Variants in PTBP2 observed in about 807,000 individuals in gnomAD.
The protein encoded by PTBP2 is polypyrimidine tract-binding protein 2.
Under a neutral mutation model 61.4 loss-of-function variants are expected in PTBP2, and 13 were observed. The observed-to-expected ratio is 0.21, with a 90% confidence interval of 0.14 to 0.34. The LOEUF is 0.34. Ranked by LOEUF, PTBP2 falls within the 10% of genes least tolerant of loss-of-function variation. PTBP2 has a pLI of 1.00. For synonymous variants in PTBP2, 215 were observed against 218.5 expected (o/e 0.98, Z 0.14); for missense variants, 405 against 642.6 (o/e 0.63, Z 4.00).
intron 3 of PTBP2, among the ~76,000 whole-genome samples, chr1:96,763,180 G>C (rs1337339744): frequency 6.6e-6 from 1 of 152,140 alleles, no homozygotes; most frequent in East Asian, 2.0e-4. Context: ...CGGGGTGGCG[G>C]CTGGGCAGAG....
At chr1:96,822,563 T>C (rs953530224) in exon 14 of PTBP2, 6 of 152,226 alleles carry the variant, frequency 3.9e-5, no homozygotes, top group African/African-American at 9.6e-5. Context: ...TTTATGTTCA[T>C]TAAAATATCC....
chr1:96,770,141 A>G lies in PTBP2; in HGVS notation c.288+266A>G, dbSNP rs911080729. On this transcript the variant is annotated intron_variant, in intron 4 of 13. Transcript: ENST00000674951. ...AAATTGTGGAAAATACAAATGAAGT[A>G]TTTCTTTTACTGTGGCTCTGTTCTT... 3.3e-5 allele frequency among the ~76,000 whole-genome samples: 5 copies of G among 151,974 alleles called. No individual in the cohort carries two copies. The East Asian group carries it at 9.6e-4, about 29-fold the overall frequency.
At position 96,804,924 on chromosome 1, in the gene PTBP2, C is replaced by G. The variant is rs1439747829; in HGVS notation, c.1029C>G (p.Ser343Arg). 1 of 1,589,834 alleles carries G rather than the reference C, an allele frequency of 6.3e-7. No individual in the cohort carries two copies. Among genetic ancestry groups the G allele is most frequent in the Non-Finnish European group, 8.6e-7 (1 of 1,166,402 alleles). The part of the protein sequence containing the change: ...SAGGNTVLLV[S>R]NLNEEMVTPQ... ...GTGGCAATACAGTCCTGTTGGTTAGCAATTTAAATGAAGAGGTTAGTAAAA... is the reference window on the plus strand; with the variant it reads ...GTGGCAATACAGTCCTGTTGGTTAGGAATTTAAATGAAGAGGTTAGTAAAA... The change falls in exon 9 of 14, where the codon AGC (serine) becomes AGG (arginine). Residue 343 changes from serine to arginine, a missense_variant. Ser to Arg is a moderately radical substitution (Grantham distance 110). Coordinates refer to ENST00000674951, the MANE Select transcript of PTBP2 (RefSeq NM_021190.4).
chr1:96,763,606 G>A (rs1656297575), intron 3 of PTBP2, among the ~76,000 whole-genome samples: 2 of 115,050 alleles, frequency 1.7e-5, no homozygotes, highest in Admixed American at 1.7e-4. Flanking sequence ...AGAGGAGGGA[G>A]GGGGAGGGGG....
chr1:96,744,077 G>A (rs1013317968), intron 2 of PTBP2, among the ~76,000 whole-genome samples: 3 of 152,094 alleles, frequency 2.0e-5, no homozygotes, highest in East Asian at 3.9e-4. Flanking sequence ...TATAGTCCCA[G>A]CTACTCGGGA....
exon 14 of PTBP2, chr1:96,823,306 A>G (rs933793192): frequency 3.3e-5 from 5 of 152,236 alleles, no homozygotes; most frequent in African/African-American, 1.2e-4. Context: ...TTTTAAGACT[A>G]CTTAAAGCTG....
At chr1:96,823,454 A>C (rs1012304701) in exon 14 of PTBP2, 2 of 152,218 alleles carry the variant, frequency 1.3e-5, no homozygotes, top group Non-Finnish European at 2.9e-5. Context: ...GAAAGAATTA[A>C]TGTAGATAAG....
At chr1:96,770,521 C>G (rs1219151218) in intron 4 of PTBP2, among the ~76,000 whole-genome samples, 187 bp from the exon 5 acceptor site, 1 of 151,902 alleles carries the variant, frequency 6.6e-6, no homozygotes, top group Non-Finnish European at 1.5e-5. Flanking sequence ...CGGTTTTCTT[C>G]TGAGGTTAGC....
chr1:96,784,194 T>TTATA (rs1306341564), intron 7 of PTBP2, among the ~76,000 whole-genome samples: 1 of 152,084 alleles, frequency 6.6e-6, no homozygotes, highest in East Asian at 1.9e-4. Context: ...GAAATGGTGA[T>TTATA]TATATAGGAG....
At chr1:96,762,961 TC>T (rs1656172845) in intron 3 of PTBP2, among the ~76,000 whole-genome samples, 1 of 138,178 alleles carries the variant, frequency 7.2e-6, no homozygotes, top group African/African-American at 2.8e-5. Context: ...GCAGCGGCGC[TC>T]CCCACATCTC....
chr1:96,807,898 T>G (rs1661655396), intron 11 of PTBP2, among the ~76,000 whole-genome samples: 1 of 152,236 alleles, frequency 6.6e-6, no homozygotes, highest in South Asian at 2.1e-4. Context: ...AAGTGCTGAT[T>G]ATGTCAAGAT....
At chr1:96,818,725 A>T (rs909002680), downstream of PTBP2, 2 of 152,132 alleles carry the variant, frequency 1.3e-5, no homozygotes, top group African/African-American at 4.8e-5. Context: ...TGAGTGTGGA[A>T]ATTATTTCAT....
exon 14 of PTBP2, chr1:96,822,609 T>C (rs949564905): frequency 1.3e-5 from 2 of 152,232 alleles, no homozygotes; most frequent in Admixed American, 1.3e-4. Flanking sequence ...TGTTTCTTTT[T>C]TATAATTCCA....
chr1:96,762,005 A>G (rs547250198), intron 3 of PTBP2, among the ~76,000 whole-genome samples: 65 of 151,214 alleles, frequency 4.3e-4, no homozygotes, highest in Non-Finnish European at 7.4e-4. Flanking sequence ...CCCTTAATCC[A>G]TTTAACCCTG....
chr1:96,817,744 T>C (rs1662538549), downstream of PTBP2: 1 of 152,116 alleles, frequency 6.6e-6, no homozygotes, highest in African/African-American at 2.4e-5. Context: ...AATTGTTACC[T>C]TCAGTTTAGT....
At chr1:96,763,671 T>A (rs918281952) in intron 3 of PTBP2, among the ~76,000 whole-genome samples, 2 of 151,722 alleles carry the variant, frequency 1.3e-5, no homozygotes, top group African/African-American at 4.9e-5. Flanking sequence ...GGATGATATA[T>A]AATGTACTTC....
chr1:96,819,120 ATTTG>A (rs1404233283), downstream of PTBP2: 1 of 151,880 alleles, frequency 6.6e-6, no homozygotes, highest in African/African-American at 2.4e-5. Context: ...TCAATTCCTG[ATTTG>A]TTTATTACAT....
chr1:96,801,933 C>T (rs1179429606), intron 8 of PTBP2, among the ~76,000 whole-genome samples: 5 of 151,302 alleles, frequency 3.3e-5, no homozygotes, highest in African/African-American at 9.7e-5. Flanking sequence ...CACATTAGGC[C>T]GGGCGCGGTG....
chr1:96,721,949 A>G, intron 1 of PTBP2, 77 bp downstream of exon 1: 4 of 1,518,022 alleles, frequency 2.6e-6, no homozygotes, highest in Non-Finnish European at 3.6e-6. Flanking sequence ...CGGGCCGGGG[A>G]GAAACCCTCC....
Sources: gnomAD v4.1 joint callset for allele counts (sites outside exome capture counted in the v4.1 genomes callset) on GRCh38, gnomAD v4.1.1 for gene constraint, MANE v1.5 for transcripts, NCBI Gene and HGNC (gene_info 2026-07-23, HGNC 2026-07-21) for gene names.